AXDND1: variants seen among roughly 807,000 people sequenced by gnomAD.
AXDND1 encodes axonemal dynein light chain domain containing 1, also known as axonemal dynein light chain domain-containing protein 1.
In AXDND1, 110 loss-of-function variants were observed where a neutral mutation model predicts 137.5. That is an observed-to-expected ratio of 0.80 (90% CI 0.69 to 0.94). The LOEUF is 0.94. AXDND1 is among the 40% of genes least tolerant of loss of function. The pLI, the probability that AXDND1 is intolerant of heterozygous loss-of-function variation, is 0.00. For synonymous variants in AXDND1, 414 were observed against 399.7 expected (o/e 1.04, Z -0.43); for missense variants, 1,191 against 1,169.8 (o/e 1.02, Z -0.26).
intron 20 of AXDND1, among the ~76,000 whole-genome samples, chr1:179,505,440 G>C (rs1306466737): frequency 1.3e-5 from 2 of 152,110 alleles, no homozygotes; most frequent in African/African-American, 4.8e-5. Flanking sequence ...ATCACCTGAG[G>C]TCGGGAGTTT....
chr1:179,373,356 G>A (rs1668233330), intron 4 of AXDND1, among the ~76,000 whole-genome samples: 1 of 152,192 alleles, frequency 6.6e-6, no homozygotes, highest in Non-Finnish European at 1.5e-5. Flanking sequence ...AATATTCCAT[G>A]CTCATGGATA....
chr1:179,475,024 A>T (rs1450047525), intron 17 of AXDND1, among the ~76,000 whole-genome samples: 6 of 151,808 alleles, frequency 4.0e-5, no homozygotes, highest in Admixed American at 3.9e-4. Flanking sequence ...AGCTTGGGCC[A>T]TTGCTTCAAA....
intron 21 of AXDND1, among the ~76,000 whole-genome samples, chr1:179,524,729 G>GT (rs1670379265): frequency 6.6e-6 from 1 of 152,136 alleles, no homozygotes; most frequent in African/African-American, 2.4e-5. Context: ...CGCAGCCACT[G>GT]TTTTGTTCAC....
At chr1:179,426,956 G>A (rs369822466) in intron 12 of AXDND1, among the ~76,000 whole-genome samples, 4 of 152,176 alleles carry the variant, frequency 2.6e-5, no homozygotes, top group Non-Finnish European at 4.4e-5. Flanking sequence ...GATGTCAGGA[G>A]TTTGAGACCA....
At chr1:179,532,179 A>G (rs1433984163) in intron 23 of AXDND1, among the ~76,000 whole-genome samples, 1 of 152,178 alleles carries the variant, frequency 6.6e-6, no homozygotes, top group African/African-American at 2.4e-5. Context: ...ACCACAAAAC[A>G]TTAATCTGTA....
intron 8 of AXDND1, among the ~76,000 whole-genome samples, chr1:179,383,825 T>G (rs1648774520): frequency 6.6e-6 from 1 of 152,236 alleles, no homozygotes; most frequent in Non-Finnish European, 1.5e-5. Flanking sequence ...TATTATTATT[T>G]CACCAAATAT....
rs7544035 is a variant in AXDND1 at position 179,486,139 on chromosome 1, A to T, written c.2091+2918A>T. On this transcript the variant is annotated intron_variant, in intron 18 of 25. Transcript: ENST00000367618. ...TGTCTCAAAAAAAAAAAAAAAAAAA[A>T]AACCTGATAGAAATGAAAAACACAC... is the stretch of plus-strand genomic sequence containing the variant. 2.2e-3 allele frequency among the ~76,000 whole-genome samples: 192 copies of T among 87,802 alleles called. 9 individuals are homozygous for T. The highest frequency in any genetic ancestry group is 8.2e-3 in the Middle Eastern group (1 of 122). The allele number at this position is 87,802 out of a possible 152,430, so 57.6% of individuals were successfully genotyped here.
chr1:179,552,305 C>T lies in AXDND1; in HGVS notation c.3032-2207C>T, dbSNP rs1171653591. On this transcript the variant is annotated intron_variant, in intron 25 of 25. Coordinates refer to ENST00000367618, the MANE Select transcript of AXDND1 (RefSeq NM_144696.6). ...ACTACGATTACCCAGGAAAAGATGC[C>T]AGCACTAGAGAAGAGGGATTGATGT... is the stretch of plus-strand genomic sequence containing the variant. The T allele has an allele frequency of 2.4e-5, 11 of 458,452 alleles. 1 individual carries two copies. The Admixed American group carries it at 3.8e-4, about 16-fold the overall frequency. 28.4% of individuals were successfully genotyped at this position (458,452 alleles called of 1,614,324 possible).
chr1:179,475,084 G>C (rs1243057295), intron 17 of AXDND1, among the ~76,000 whole-genome samples: 2 of 152,230 alleles, frequency 1.3e-5, no homozygotes, highest in Non-Finnish European at 2.9e-5. Context: ...TGAGGTTTGG[G>C]AACCTTCACC....
At chr1:179,428,821 A>G (rs1375311135) in intron 12 of AXDND1, among the ~76,000 whole-genome samples, 1 of 152,216 alleles carries the variant, frequency 6.6e-6, no homozygotes, top group African/African-American at 2.4e-5. Context: ...TAAATATGCT[A>G]TTTATGTTAA....
rs1177108430 is a variant in AXDND1, at chr1:179,422,161, G to A, written c.1231-7357G>A. Among the ~76,000 whole-genome samples the A allele has an allele frequency of 2.0e-5, 3 of 150,512 alleles. No individual in the cohort carries two copies. The Admixed American group carries it at 2.0e-4, about 10-fold the overall frequency. On this transcript the variant is annotated intron_variant, in intron 12 of 25. Transcript: ENST00000367618. ...ATTTCTTTCCTTCTACTAATTTTAG[G>A]TTTGGTTTGTTCTTGCTTTTCTAGT...
chr1:179,429,761 G>T, intron 13 of AXDND1, 142 bp downstream of exon 13: 1 of 437,072 alleles, frequency 2.3e-6, no homozygotes, highest in Non-Finnish European at 3.9e-6. Context: ...AAAAATCTAT[G>T]GGAAGGTGAA....
intron 24 of AXDND1, 66 bp from the exon 25 acceptor site, chr1:179,534,664 G>A: frequency 6.6e-7 from 1 of 1,506,290 alleles, no homozygotes; most frequent in South Asian, 1.4e-5. Flanking sequence ...TTTAGAAAAT[G>A]AGTTTCGAAA....
intron 17 of AXDND1, among the ~76,000 whole-genome samples, chr1:179,474,228 A>C (rs571783007): frequency 3.9e-5 from 6 of 152,176 alleles, no homozygotes; most frequent in African/African-American, 1.4e-4. Context: ...AAAAAAAAAA[A>C]AAAACTTACC....
At chr1:179,387,349 G>T (rs1389542722) in intron 9 of AXDND1, among the ~76,000 whole-genome samples, 1 of 152,156 alleles carries the variant, frequency 6.6e-6, no homozygotes, top group Non-Finnish European at 1.5e-5. Context: ...AAGTGAGAGG[G>T]TGAGAGAGAG....
intron 20 of AXDND1, among the ~76,000 whole-genome samples, chr1:179,506,215 A>G (rs1331641756): frequency 1.3e-5 from 2 of 152,076 alleles, no homozygotes; most frequent in Non-Finnish European, 2.9e-5. Flanking sequence ...AGAGTCACTG[A>G]TACACTGAAG....
intron 8 of AXDND1, 151 bp from the exon 9 acceptor site, chr1:179,385,087 A>G (rs1648987956): frequency 1.4e-6 from 1 of 728,868 alleles, no homozygotes; most frequent in Non-Finnish European, 2.2e-6. Flanking sequence ...AAAATCAAAT[A>G]TCACTTTTGT....
rs58827015 is a variant in AXDND1 at position 179,383,596 on chromosome 1, G to A, written c.741+52G>A. ...GTGGCTAAGAGCATGCACTCAGGAGGCAGATTGCCTAGGTTAGAATTCTGA... is the reference window on the plus strand; with the variant it reads ...GTGGCTAAGAGCATGCACTCAGGAGACAGATTGCCTAGGTTAGAATTCTGA... On this transcript the variant is annotated intron_variant, in intron 8 of 25. Transcript: ENST00000367618. The A allele has an allele frequency of 1.8e-3, 2,495 of 1,390,642 alleles. 47 individuals carry two copies. In the African/African-American group the frequency reaches 0.033, roughly 18 times the overall value. 86.1% of individuals were successfully genotyped at this position (1,390,642 alleles called of 1,614,324 possible).
chr1:179,396,804 A>G (rs137931264), intron 11 of AXDND1, among the ~76,000 whole-genome samples: 5 of 152,332 alleles, frequency 3.3e-5, no homozygotes, highest in South Asian at 2.1e-4. Context: ...TTATGTATCA[A>G]TCACTCAGAA....
Sources: allele counts gnomAD v4.1 joint callset (sites outside exome capture counted in the v4.1 genomes callset), GRCh38; gene constraint gnomAD v4.1.1; transcripts MANE v1.5; gene names NCBI Gene and HGNC (gene_info 2026-07-23, HGNC 2026-07-21).